The following NCK2 variants were observed in gnomAD, a reference collection of about 807,000 sequenced individuals.
NCK2 encodes the protein cytoplasmic protein NCK2.
Under a neutral mutation model 33.9 loss-of-function variants are expected in NCK2, and 16 were observed. The observed-to-expected ratio is 0.47, with a 90% CI of 0.32 to 0.72. The LOEUF is 0.72. NCK2 is among the 30% of genes least tolerant of loss of function. The probability of loss-of-function intolerance (pLI) is 0.03; values close to 1 mark genes in which losing one functional copy is unlikely to be tolerated. For missense variants in NCK2, 418 were observed against 537.3 expected, an observed-to-expected ratio of 0.78 and a Z score of 2.19; for synonymous variants, 273 against 239.9, an observed-to-expected ratio of 1.14 and a Z score of -1.27.
At chr2:105,832,522 A>G (rs1257458719) in intron 2 of NCK2, among the ~76,000 whole-genome samples, 1 of 152,172 alleles carries the variant, frequency 6.6e-6, no homozygotes, top group African/African-American at 2.4e-5. Flanking sequence ...ACTGAATTTT[A>G]TCAAAATGGT....
At chr2:105,862,195 A>AGAATTAT (rs1677567948) in intron 3 of NCK2, among the ~76,000 whole-genome samples, 1 of 152,202 alleles carries the variant, frequency 6.6e-6, no homozygotes, top group South Asian at 2.1e-4. Context: ...TAAAGACTCT[A>AGAATTAT]GAATTATGTC....
intron 1 of NCK2, among the ~76,000 whole-genome samples, chr2:105,783,296 C>T (rs1690561634): frequency 2.0e-5 from 3 of 152,220 alleles, no homozygotes; most frequent in South Asian, 2.1e-4. Context: ...GGTGGGCCCC[C>T]ATCGCCCTCC....
At chr2:105,782,506 C>T (rs768245569) in intron 1 of NCK2, among the ~76,000 whole-genome samples, 2 of 152,206 alleles carry the variant, frequency 1.3e-5, no homozygotes, top group African/African-American at 2.4e-5. Context: ...CAAAATCTCA[C>T]TTGAGGAATG....
At chr2:105,882,094 G>C (rs766557465) in intron 4 of NCK2, 45 bp downstream of exon 4, 3 of 1,467,970 alleles carry the variant, frequency 2.0e-6, no homozygotes, top group African/African-American at 2.8e-5. Flanking sequence ...CAGTAAATGC[G>C]CCTTGCGCGG....
chr2:105,877,657 G>C (rs1174069651), intron 3 of NCK2, among the ~76,000 whole-genome samples: 2 of 152,176 alleles, frequency 1.3e-5, no homozygotes, highest in Non-Finnish European at 2.9e-5. Flanking sequence ...GAGTGGAGTA[G>C]ATTCTTGGCA....
At chr2:105,835,769 A>T (rs1181619483) in intron 2 of NCK2, among the ~76,000 whole-genome samples, 1 of 151,906 alleles carries the variant, frequency 6.6e-6, no homozygotes, top group Non-Finnish European at 1.5e-5. Context: ...ATATGAATAT[A>T]TGTTTGCTTA....
At chr2:105,744,865 TCGCCGC>T (rs1170930281), upstream of NCK2, 143 of 153,964 alleles carry the variant, frequency 9.3e-4, no homozygotes, top group East Asian at 0.01. Context: ...CGGGGGAGGG[TCGCCGC>T]CGCCGCCGCC....
chr2:105,855,261 C>T lies in NCK2; in HGVS notation c.198C>T (p.Ser66=), dbSNP rs777619212. ...VERKNSLKKG[S]LVKNLKDTLG... Reference sequence around the variant, plus strand: ...GGAAGAACAGCCTGAAGAAGGGCTCCCTCGTGAAGAACCTGAAGGACACAC... The same window carrying T: ...GGAAGAACAGCCTGAAGAAGGGCTCTCTCGTGAAGAACCTGAAGGACACAC... The change falls in exon 3 of 5, where the codon TCC becomes TCT. Residue 66 remains serine, a synonymous_variant. Coordinates refer to ENST00000233154, the MANE Select transcript of NCK2 (RefSeq NM_003581.5). 9.9e-6 allele frequency: 16 copies of T among 1,610,068 alleles called. No individual in the cohort carries two copies. In the African/African-American group the frequency reaches 1.6e-4, roughly 16 times the overall value.
chr2:105,880,168 G>T (rs1678413872), intron 3 of NCK2, among the ~76,000 whole-genome samples: 1 of 152,230 alleles, frequency 6.6e-6, no homozygotes, highest in Admixed American at 6.5e-5. Flanking sequence ...TTCGATACTC[G>T]TATCTGTGAC....
intron 3 of NCK2, among the ~76,000 whole-genome samples, chr2:105,860,067 T>C (rs886080881): frequency 6.6e-6 from 1 of 152,174 alleles, no homozygotes; most frequent in African/African-American, 2.4e-5. Context: ...GAAGGATCAG[T>C]TGAGGCCACG....
intron 4 of NCK2, among the ~76,000 whole-genome samples, chr2:105,892,184 C>T (rs76098715): frequency 2.9e-5 from 4 of 137,538 alleles, no homozygotes; most frequent in Admixed American, 2.9e-4. Flanking sequence ...AACTGCGTCT[C>T]AAAAAAAAAA....
intron 1 of NCK2, among the ~76,000 whole-genome samples, chr2:105,789,740 G>C (rs770154748): frequency 3.9e-5 from 6 of 152,154 alleles, no homozygotes; most frequent in Non-Finnish European, 7.4e-5. Flanking sequence ...GCTTGCTCCC[G>C]GTTAACGGGA....
chr2:105,814,801 G>A (rs186745813), intron 1 of NCK2, among the ~76,000 whole-genome samples: 1 of 152,224 alleles, frequency 6.6e-6, no homozygotes, highest in Admixed American at 6.5e-5. Flanking sequence ...ATGAGACACA[G>A]GGCACACAGG....
intron 1 of NCK2, among the ~76,000 whole-genome samples, chr2:105,816,077 ATG>A (rs749800047): frequency 6.6e-5 from 10 of 152,088 alleles, no homozygotes; most frequent in Admixed American, 3.9e-4. Flanking sequence ...GAGGGAGTAC[ATG>A]TGTGTTGATG....
chr2:105,862,291 G>C (rs564492325), intron 3 of NCK2, among the ~76,000 whole-genome samples: 1 of 152,248 alleles, frequency 6.6e-6, no homozygotes, highest in East Asian at 1.9e-4. Context: ...ATTTTACTTA[G>C]ATCAAAAGAC....
intron 3 of NCK2, among the ~76,000 whole-genome samples, chr2:105,865,959 G>A (rs945157142): frequency 1.2e-4 from 18 of 150,342 alleles, no homozygotes; most frequent in Non-Finnish European, 1.8e-4. Context: ...TTGTTGCCCA[G>A]GCTGAAGTGC....
Position 105,815,262 on chromosome 2 carries a change from C to T in NCK2, c.-200-1168C>T, listed in dbSNP as rs563888938. Among the ~76,000 whole-genome samples the T allele has an allele frequency of 3.9e-5, 6 of 152,280 alleles. No individual in the cohort carries two copies. In the East Asian group the frequency reaches 9.6e-4, roughly 24 times the overall value. On this transcript the variant is annotated intron_variant, in intron 1 of 4. Coordinates refer to ENST00000233154, the MANE Select transcript of NCK2 (RefSeq NM_003581.5). Reference sequence around the variant, plus strand: ...GCCTTTAAAACAGTGCTAGAGAATACATAAAAAGGAATTAATTTTTAAATC... The same window carrying T: ...GCCTTTAAAACAGTGCTAGAGAATATATAAAAAGGAATTAATTTTTAAATC...
chr2:105,794,551 CAG>C (rs1691008430), intron 1 of NCK2, among the ~76,000 whole-genome samples: 1 of 152,016 alleles, frequency 6.6e-6, no homozygotes, highest in Non-Finnish European at 1.5e-5. Context: ...GTTTATCTCA[CAG>C]GGGAAATACA....
intron 1 of NCK2, among the ~76,000 whole-genome samples, chr2:105,749,146 G>A (rs917075283): frequency 2.6e-5 from 4 of 152,206 alleles, no homozygotes; most frequent in Admixed American, 6.5e-5. Flanking sequence ...TACTTTTGTA[G>A]GTTAGTCTGT....
Sources: gnomAD v4.1 joint callset for allele counts (sites outside exome capture counted in the v4.1 genomes callset) on GRCh38, gnomAD v4.1.1 for gene constraint, MANE v1.5 for transcripts, NCBI Gene and HGNC (gene_info 2026-07-23, HGNC 2026-07-21) for gene names.